FSTL5: variants seen among roughly 807,000 people sequenced by gnomAD.
The protein encoded by FSTL5 is follistatin-related protein 5.
FSTL5 carries 62 observed loss-of-function variants against 89.1 expected under a neutral mutation model. The ratio of observed to expected loss-of-function variants is 0.70; its 90% CI spans 0.57 to 0.86. FSTL5 has a LOEUF of 0.86. Among genes scored for constraint, FSTL5 ranks in the 40% least tolerant of loss-of-function variants. The pLI, the probability that FSTL5 is intolerant of heterozygous loss-of-function variation, is 0.00. For synonymous variants in FSTL5, 383 were observed against 346.2 expected (o/e 1.11, Z -1.18); for missense variants, 1,057 against 1,001.6 (o/e 1.06, Z -0.75).
chr4:161,911,906 A>G (rs926371404), intron 4 of FSTL5, among the ~76,000 whole-genome samples: 14 of 152,140 alleles, frequency 9.2e-5, no homozygotes, highest in African/African-American at 1.4e-4. Flanking sequence ...TCACATAACT[A>G]TCTGGATGAT....
intron 3 of FSTL5, among the ~76,000 whole-genome samples, chr4:162,008,038 T>C (rs867017003): frequency 4.0e-5 from 6 of 151,854 alleles, no homozygotes; most frequent in African/African-American, 1.4e-4. Context: ...TATATCAAAA[T>C]ACGTACTTAT....
chr4:161,921,699 T>C (rs1734000625), intron 3 of FSTL5, among the ~76,000 whole-genome samples: 2 of 152,094 alleles, frequency 1.3e-5, no homozygotes, highest in Admixed American at 1.3e-4. Context: ...AACAGCATCA[T>C]AATAATTAAG....
At position 161,386,025 on chromosome 4, in the gene FSTL5, T is replaced by C. The variant is rs1371341404; in HGVS notation, c.2266A>G (p.Ile756Val). The C allele has an allele frequency of 6.2e-7, 1 of 1,614,026 alleles. No individual in the cohort carries two copies. Among genetic ancestry groups the C allele is most frequent in the Non-Finnish European group, 8.5e-7 (1 of 1,179,962 alleles). The change falls in exon 16 of 16, where the codon ATC (isoleucine) becomes GTC (valine). Residue 756 changes from isoleucine to valine, a missense_variant. Coordinates refer to ENST00000306100, the MANE Select transcript of FSTL5 (RefSeq NM_020116.5). Reference protein sequence around the residue: ...PSFTEAHQYNIYGSSSTQTDV... With the variant: ...PSFTEAHQYNVYGSSSTQTDV... The stretch of plus-strand genomic sequence containing the variant: ...GTTTGTGTGCTTGAACTACCGTAGA[T>C]GTTATATTGGTGGGCTTCAGTAAAG...
At chr4:161,735,472 A>C (rs1739777454) in intron 6 of FSTL5, among the ~76,000 whole-genome samples, 1 of 152,106 alleles carries the variant, frequency 6.6e-6, no homozygotes, top group African/African-American at 2.4e-5. Flanking sequence ...TAGTCTATCA[A>C]ATTAAACCTA....
In FSTL5 at chr4:161,712,226, C is replaced by G. The variant is rs150347187; in HGVS notation, c.727+47185G>C. Among the ~76,000 whole-genome samples, 307 of 152,074 alleles carry G rather than the reference C, an allele frequency of 2.0e-3. 1 individual carries two copies. Among genetic ancestry groups the G allele is most frequent in the Middle Eastern group, 0.01 (3 of 294 alleles). On this transcript the variant is annotated intron_variant, in intron 6 of 15. Coordinates refer to ENST00000306100, the MANE Select transcript of FSTL5 (RefSeq NM_020116.5). ...GCACAACCCTAAATATACTAAAAATCATTGAATTCGTACACTTCATATGGG... is the reference window on the plus strand; with the variant it reads ...GCACAACCCTAAATATACTAAAAATGATTGAATTCGTACACTTCATATGGG...
At chr4:162,106,154 C>G (rs1362566520) in intron 2 of FSTL5, among the ~76,000 whole-genome samples, 1 of 152,142 alleles carries the variant, frequency 6.6e-6, no homozygotes, top group African/African-American at 2.4e-5. Flanking sequence ...CACCCTTTGC[C>G]CCATTTGCTC....
At chr4:161,475,316 C>T (rs1734099096) in intron 13 of FSTL5, among the ~76,000 whole-genome samples, 1 of 152,024 alleles carries the variant, frequency 6.6e-6, no homozygotes, top group African/African-American at 2.4e-5. Flanking sequence ...AGTTTTTAGC[C>T]ATTATTTCTC....
At chr4:162,008,744 AT>A (rs1234167916) in intron 3 of FSTL5, among the ~76,000 whole-genome samples, 2 of 151,964 alleles carry the variant, frequency 1.3e-5, no homozygotes, top group Admixed American at 1.3e-4. Flanking sequence ...TTTAGCATAA[AT>A]GACTTTAGGC....
chr4:161,772,436 T>A (rs1261189530), intron 5 of FSTL5, among the ~76,000 whole-genome samples: 4 of 152,104 alleles, frequency 2.6e-5, no homozygotes, highest in Non-Finnish European at 1.5e-5. Flanking sequence ...TATGACTGTA[T>A]ACCTACAAAA....
At chr4:161,714,975 C>T (rs565416362) in intron 6 of FSTL5, among the ~76,000 whole-genome samples, 106 of 151,892 alleles carry the variant, frequency 7.0e-4, no homozygotes, top group Non-Finnish European at 1.3e-3. Flanking sequence ...TAAAGTTTTA[C>T]TCAATTTAGA....
intron 3 of FSTL5, among the ~76,000 whole-genome samples, chr4:162,032,143 A>C (rs146427802): frequency 6.6e-6 from 1 of 152,294 alleles, no homozygotes; most frequent in Non-Finnish European, 1.5e-5. Context: ...CCAAGGCAAT[A>C]AAGTATCAAG....
At chr4:161,418,610 T>G (rs2126307069) in intron 15 of FSTL5, among the ~76,000 whole-genome samples, 1 of 152,356 alleles carries the variant, frequency 6.6e-6, no homozygotes, top group Non-Finnish European at 1.5e-5. Context: ...TCACATTTAA[T>G]ACAAAATATT....
At chr4:162,044,798 T>C (rs1402814100) in intron 2 of FSTL5, among the ~76,000 whole-genome samples, 2 of 152,196 alleles carry the variant, frequency 1.3e-5, no homozygotes, top group African/African-American at 2.4e-5. Flanking sequence ...AGACAGCTTC[T>C]TTCCTTAAGC....
At chr4:161,549,831 T>C (rs1732137748) in intron 8 of FSTL5, among the ~76,000 whole-genome samples, 1 of 151,912 alleles carries the variant, frequency 6.6e-6, no homozygotes, top group East Asian at 1.9e-4. Flanking sequence ...CTCTATTTGG[T>C]GATTCAAATA....
At chr4:161,826,391 T>C (rs1730669293) in intron 4 of FSTL5, among the ~76,000 whole-genome samples, 1 of 152,170 alleles carries the variant, frequency 6.6e-6, no homozygotes, top group South Asian at 2.1e-4. Context: ...CTATTAAGTC[T>C]ATCTATTCTA....
intron 7 of FSTL5, among the ~76,000 whole-genome samples, chr4:161,600,684 G>C (rs531297466): frequency 2.9e-4 from 44 of 152,054 alleles, no homozygotes; most frequent in Admixed American, 5.9e-4. Context: ...GTCAAGTTTT[G>C]AAAGCGAATA....
intron 7 of FSTL5, among the ~76,000 whole-genome samples, chr4:161,628,949 T>C (rs1735404228): frequency 6.6e-6 from 1 of 152,220 alleles, no homozygotes; most frequent in Admixed American, 6.5e-5. Context: ...TTCTATACAC[T>C]TATAATTTTG....
chr4:161,656,467 T>A lies in FSTL5; in HGVS notation c.755A>T (p.Asp252Val). The A allele has an allele frequency of 6.3e-7, 1 of 1,596,562 alleles. No homozygotes were observed. Among genetic ancestry groups the A allele is most frequent in the Non-Finnish European group, 8.5e-7 (1 of 1,172,544 alleles). ...FQVIQLSLPEDQKLSITAATV... is the reference protein window; with the variant it reads ...FQVIQLSLPEVQKLSITAATV... ...TGCTGCAGTGATGCTTAGTTTCTGA[T>A]CTTCTGGCAGACTCAACTGGATCAC... The change falls in exon 7 of 16, where the codon GAT (aspartate) becomes GTT (valine). Residue 252 changes from aspartate (D) to valine (V), a missense_variant. Asp to Val is a radical substitution (Grantham distance 152). This residue lies in a region of FSTL5 where 980 missense variants were observed against 903.2 expected (regional missense o/e 1.08). Transcript: ENST00000306100.
chr4:161,386,194 G>A lies in FSTL5; in HGVS notation c.2097C>T (p.Val699=), dbSNP rs755467801. The A allele has an allele frequency of 6.2e-7, 1 of 1,614,000 alleles. No individual in the cohort carries two copies. Among genetic ancestry groups the A allele is most frequent in the Non-Finnish European group, 8.5e-7 (1 of 1,179,962 alleles). Residue 699 remains valine (V), a synonymous_variant, in exon 16 of 16, where the codon GTC becomes GTT. Transcript: ENST00000306100. Reference sequence around the variant, plus strand: ...TGACAAGGTAGTGGCCATCTGGAGAGACATATGGAGTGCCCGTCACATCAC... The same window carrying A: ...TGACAAGGTAGTGGCCATCTGGAGAAACATATGGAGTGCCCGTCACATCAC... ...FNSDVTGTPY[V]SPDGHYLVSI...
Sources: gnomAD v4.1 joint callset for allele counts (sites outside exome capture counted in the v4.1 genomes callset) on GRCh38, gnomAD v4.1.1 for gene constraint, gnomAD v4.1.1 regional missense constraint, MANE v1.5 for transcripts, NCBI Gene and HGNC (gene_info 2026-07-23, HGNC 2026-07-21) for gene names.